Variants in TCEA3 observed in about 807,000 individuals in gnomAD.
TCEA3 encodes the protein transcription elongation factor A3.
In TCEA3, 36 loss-of-function variants were observed where a neutral mutation model predicts 44.0. The ratio of observed to expected loss-of-function variants is 0.82; its 90% confidence interval spans 0.63 to 1.08. The LOEUF (loss-of-function observed/expected upper bound fraction) is 1.08. TCEA3 is among the 50% of genes least tolerant of loss of function. The pLI, the probability that TCEA3 is intolerant of heterozygous loss-of-function variation, is 0.00. For missense variants in TCEA3, 392 were observed against 441.2 expected, an observed-to-expected ratio of 0.89 and a Z score of 1.00; for synonymous variants, 162 against 159.7, an observed-to-expected ratio of 1.01 and a Z score of -0.11.
chr1:23,392,448 A>ACACACACACTCCACACATCATG (rs1639073091), intron 8 of TCEA3, among the ~76,000 whole-genome samples: 1 of 24,930 alleles, frequency 4.0e-5, no homozygotes, highest in Non-Finnish European at 1.0e-4. Flanking sequence ...CATGCACAAT[A>ACACACACACTCCACACATCATG]CACACACACT....
At position 23,414,466 on chromosome 1, in the gene TCEA3, G is replaced by C. The variant is rs182181538; in HGVS notation, c.380+2783C>G. 1.5e-3 allele frequency among the ~76,000 whole-genome samples: 223 copies of C among 152,266 alleles called. 1 individual carries two copies. Among genetic ancestry groups the C allele is most frequent in the Admixed American group, 2.3e-3 (35 of 15,296 alleles). ...CGCCCAGGCTGGAGTGCAGTGGCAC[G>C]ATCTTGGCTCACTGACACTTCTGCC... On this transcript the variant is annotated intron_variant, in intron 4 of 10. Coordinates refer to ENST00000450454, the MANE Select transcript of TCEA3 (RefSeq NM_003196.3).
chr1:23,389,997 A>G (rs1277637794), intron 8 of TCEA3, among the ~76,000 whole-genome samples: 1 of 152,238 alleles, frequency 6.6e-6, no homozygotes, highest in Non-Finnish European at 1.5e-5. Flanking sequence ...CCAAGCATTT[A>G]CACGAGATTG....
chr1:23,407,632 A>G (rs1436056700), intron 5 of TCEA3, among the ~76,000 whole-genome samples: 3 of 151,966 alleles, frequency 2.0e-5, no homozygotes, highest in African/African-American at 7.3e-5. Flanking sequence ...CAACTCCATG[A>G]ATATCCTTCC....
At chr1:23,412,585 G>A (rs867249415) in intron 4 of TCEA3, among the ~76,000 whole-genome samples, 2 of 151,582 alleles carry the variant, frequency 1.3e-5, no homozygotes, top group African/African-American at 4.8e-5. Context: ...GCACATGCCT[G>A]TAATCCCAGC....
At chr1:23,422,667 G>A (rs1162709144) in intron 1 of TCEA3, among the ~76,000 whole-genome samples, 2 of 152,100 alleles carry the variant, frequency 1.3e-5, no homozygotes, top group Non-Finnish European at 2.9e-5. Flanking sequence ...AGACGTGGCT[G>A]TAAACTGGCT....
At chr1:23,405,927 T>C (rs990040902) in intron 5 of TCEA3, among the ~76,000 whole-genome samples, 8 of 152,200 alleles carry the variant, frequency 5.3e-5, no homozygotes, top group African/African-American at 1.9e-4. Flanking sequence ...TCCGGGGCAC[T>C]TGGCATCTCT....
intron 4 of TCEA3, among the ~76,000 whole-genome samples, chr1:23,409,298 G>C (rs540394134): frequency 1.3e-5 from 2 of 152,230 alleles, no homozygotes; most frequent in East Asian, 3.9e-4. Context: ...AGGAAAAGCA[G>C]ATCTAAAGAA....
At chr1:23,405,594 C>CA (rs66497548) in intron 5 of TCEA3, among the ~76,000 whole-genome samples, 13 of 146,330 alleles carry the variant, frequency 8.9e-5, no homozygotes, top group Non-Finnish European at 1.4e-4. Context: ...GACTTCATCT[C>CA]AAAAAAAAAA....
intron 5 of TCEA3, among the ~76,000 whole-genome samples, chr1:23,405,322 C>G (rs1169463593): frequency 1.3e-5 from 2 of 152,120 alleles, no homozygotes; most frequent in African/African-American, 4.8e-5. Flanking sequence ...TGCTGCCTGG[C>G]ACGGTGGCTC....
chr1:23,420,385 G>T (rs1640025896), intron 1 of TCEA3, among the ~76,000 whole-genome samples: 1 of 152,188 alleles, frequency 6.6e-6, no homozygotes, highest in African/African-American at 2.4e-5. Context: ...GGGACCACAG[G>T]TATGCACCAC....
chr1:23,393,143 A>G (rs914355740), intron 8 of TCEA3, among the ~76,000 whole-genome samples: 2 of 152,044 alleles, frequency 1.3e-5, no homozygotes, highest in South Asian at 2.1e-4. Flanking sequence ...ACAGTTCACA[A>G]TAGGGTTCGT....
chr1:23,385,150 C>G (rs1277997920), intron 9 of TCEA3, among the ~76,000 whole-genome samples: 3 of 152,208 alleles, frequency 2.0e-5, no homozygotes, highest in African/African-American at 7.2e-5. Context: ...AAAGCCCTGG[C>G]ATTTCCAGGT....
At chr1:23,423,771 G>C in intron 1 of TCEA3, 1 of 456,004 alleles carries the variant, frequency 2.2e-6, no homozygotes. Flanking sequence ...CCCAGGCAAA[G>C]ATCACGGGGA....
intron 5 of TCEA3, among the ~76,000 whole-genome samples, chr1:23,401,808 A>C (rs1639403684): frequency 6.6e-6 from 1 of 152,134 alleles, no homozygotes. Context: ...GTGGCCTGTT[A>C]GGAACCGGGC....
At chr1:23,416,262 TCC>T (rs1338250970) in intron 4 of TCEA3, among the ~76,000 whole-genome samples, 2 of 152,156 alleles carry the variant, frequency 1.3e-5, no homozygotes, top group Non-Finnish European at 2.9e-5. Context: ...CACCTCGGCC[TCC>T]CAAAGTGCTG....
intron 5 of TCEA3, among the ~76,000 whole-genome samples, chr1:23,407,818 T>C (rs1056604258): frequency 2.6e-5 from 4 of 152,128 alleles, no homozygotes; most frequent in Admixed American, 6.6e-5. Context: ...AGGCCCTCAA[T>C]AAATATTTGA....
chr1:23,391,599 C>T (rs532908818), intron 8 of TCEA3, among the ~76,000 whole-genome samples: 1 of 152,188 alleles, frequency 6.6e-6, no homozygotes, highest in African/African-American at 2.4e-5. Context: ...TCTGCTGCTG[C>T]CCTGATGTTG....
chr1:23,418,167 A>G (rs1221121465), intron 2 of TCEA3, 158 bp from the exon 3 acceptor site: 1 of 666,242 alleles, frequency 1.5e-6, no homozygotes, highest in Non-Finnish European at 2.6e-6. Context: ...GAACCCCACT[A>G]CTGTAACTAA....
In TCEA3 at chr1:23,424,627, G is replaced by T; in HGVS notation, c.7C>A (p.Gln3Lys). 6.2e-7 allele frequency: 1 copy of T among 1,606,314 alleles called. No individual in the cohort carries two copies. Residue 3 changes from glutamine to lysine, a missense_variant, in exon 1 of 11, where the codon CAG becomes AAG. Gln to Lys is a moderately conservative substitution (Grantham distance 53). Transcript: ENST00000450454. MG[Q>K]EEELLRIAKK... ...GCGATCCTCAGCAGCTCCTCTTCCT[G>T]GCCCATGTTGGCCCGCGACGCCCGG...
Sources: allele counts gnomAD v4.1 joint callset (sites outside exome capture counted in the v4.1 genomes callset), GRCh38; gene constraint gnomAD v4.1.1; transcripts MANE v1.5; gene names NCBI Gene and HGNC (gene_info 2026-07-23, HGNC 2026-07-21).